The following ATP8A2 variants were observed in gnomAD, a reference collection of about 807,000 sequenced individuals.
ATP8A2 encodes the protein phospholipid-transporting ATPase IB.
Under a neutral mutation model 165.6 loss-of-function variants are expected in ATP8A2, and 100 were observed. That is an observed-to-expected ratio of 0.60 (90% CI 0.51 to 0.71). The LOEUF is 0.71. Ranked by LOEUF, ATP8A2 falls within the 30% of genes least tolerant of loss-of-function variation. The pLI, the probability that ATP8A2 is intolerant of heterozygous loss-of-function variation, is 0.00. For synonymous variants in ATP8A2, 543 were observed against 548.8 expected, an observed-to-expected ratio of 0.99 and a Z score of 0.15; for missense variants, 1,227 against 1,479.5, an observed-to-expected ratio of 0.83 and a Z score of 2.80.
intron 30 of ATP8A2, among the ~76,000 whole-genome samples, chr13:25,841,084 G>T (rs530071242): frequency 6.6e-6 from 1 of 152,266 alleles, no homozygotes; most frequent in East Asian, 1.9e-4. Flanking sequence ...TGGAGACGAT[G>T]GTTTTCTAAT....
chr13:25,423,458 C>T (rs1239640920), intron 1 of ATP8A2, among the ~76,000 whole-genome samples: 2 of 152,136 alleles, frequency 1.3e-5, no homozygotes, highest in East Asian at 1.9e-4. Context: ...TGTACATTTT[C>T]GAATATTTTT....
At chr13:25,839,437 A>G (rs1951702700) in intron 29 of ATP8A2, 109 bp from the exon 30 acceptor site, 1 of 725,488 alleles carries the variant, frequency 1.4e-6, no homozygotes. Flanking sequence ...TACTCCTGGA[A>G]CCGTGCAGCG....
chr13:25,625,345 T>C (rs749057022), intron 24 of ATP8A2, among the ~76,000 whole-genome samples: 1 of 152,244 alleles, frequency 6.6e-6, no homozygotes, highest in African/African-American at 2.4e-5. Flanking sequence ...TAGGACAAAA[T>C]GTGCCTTAAA....
At chr13:26,003,755 C>G (rs1956682267) in intron 35 of ATP8A2, among the ~76,000 whole-genome samples, 1 of 152,090 alleles carries the variant, frequency 6.6e-6, no homozygotes, top group Non-Finnish European at 1.5e-5. Flanking sequence ...CAGTTTGCCA[C>G]CACCATTTAT....
In ATP8A2 at chr13:25,676,591, G is replaced by A. The variant is rs2042377373; in HGVS notation, c.2212-22582G>A. Among the ~76,000 whole-genome samples the A allele has an allele frequency of 2.6e-5, 4 of 152,276 alleles. No individual in the cohort carries two copies. In the South Asian group the frequency reaches 8.3e-4, roughly 32 times the overall value. ...CTCAACCAGCTTCACTCTGCCTCACGAGAAAGCTCTTATTTTACCTGTGCC... is the reference window on the plus strand; with the variant it reads ...CTCAACCAGCTTCACTCTGCCTCACAAGAAAGCTCTTATTTTACCTGTGCC... On this transcript the variant is annotated intron_variant, in intron 24 of 36. Transcript: ENST00000381655.
intron 25 of ATP8A2, 127 bp downstream of exon 25, chr13:25,699,472 T>C: frequency 1.4e-6 from 1 of 716,010 alleles, no homozygotes. Flanking sequence ...AAAACAAAAA[T>C]ACAAATTTAT....
intron 24 of ATP8A2, among the ~76,000 whole-genome samples, chr13:25,636,742 C>G (rs1021245744): frequency 9.2e-5 from 14 of 152,062 alleles, no homozygotes; most frequent in African/African-American, 3.4e-4. Context: ...AGTTTCTCCC[C>G]ATATGTGCAT....
intron 33 of ATP8A2, among the ~76,000 whole-genome samples, chr13:25,883,579 C>T (rs1028915784): frequency 6.6e-6 from 1 of 152,200 alleles, no homozygotes; most frequent in Non-Finnish European, 1.5e-5. Context: ...CGGACAGGCC[C>T]GTGTCTTCAC....
chr13:25,485,106 C>T (rs1216000916), intron 2 of ATP8A2, among the ~76,000 whole-genome samples: 1 of 152,214 alleles, frequency 6.6e-6, no homozygotes, highest in Middle Eastern at 3.2e-3. Flanking sequence ...CCAGAGTAAA[C>T]TGAATAATTT....
In ATP8A2 at chr13:25,769,192, T is replaced by C; in HGVS notation, c.2531T>C (p.Met844Thr). ...VGVGISGNEG[M>T]QATNNSDYAI... ...GTGGGAATCAGTGGGAATGAAGGCA[T>C]GCAGGCCACCAACAACTCGGATTAC... is the stretch of plus-strand genomic sequence containing the variant. The change falls in exon 26 of 37, where the codon ATG (methionine) becomes ACG (threonine). Residue 844 changes from methionine to threonine, a missense_variant. Transcript: ENST00000381655. The C allele has an allele frequency of 2.5e-6, 4 of 1,613,670 alleles. No homozygotes were observed. The highest frequency in any genetic ancestry group is 3.4e-6 in the Non-Finnish European group (4 of 1,179,594).
intron 1 of ATP8A2, among the ~76,000 whole-genome samples, chr13:25,463,019 G>A (rs538082555): frequency 1.9e-4 from 29 of 152,138 alleles, no homozygotes; most frequent in Admixed American, 2.6e-4. Context: ...TGTGACTGGC[G>A]TTGGGAGGAA....
intron 1 of ATP8A2, among the ~76,000 whole-genome samples, chr13:25,390,321 G>C (rs907986331): frequency 6.6e-6 from 1 of 152,174 alleles, no homozygotes; most frequent in Non-Finnish European, 1.5e-5. Flanking sequence ...AAAAGTCAAG[G>C]TTATTAAGAT....
intron 24 of ATP8A2, among the ~76,000 whole-genome samples, chr13:25,609,250 G>C (rs1479435108): frequency 6.6e-6 from 1 of 151,876 alleles, no homozygotes; most frequent in Non-Finnish European, 1.5e-5. Flanking sequence ...TTAGGAATGA[G>C]AAAAGAGAAG....
At chr13:25,937,507 A>G (rs927528021) in intron 33 of ATP8A2, among the ~76,000 whole-genome samples, 4 of 151,152 alleles carry the variant, frequency 2.6e-5, no homozygotes, top group African/African-American at 9.7e-5. Context: ...ATATAAGAAG[A>G]CAGTTCTATA....
At chr13:25,412,105 G>T (rs142678515) in intron 1 of ATP8A2, among the ~76,000 whole-genome samples, 1 of 152,144 alleles carries the variant, frequency 6.6e-6, no homozygotes, top group Non-Finnish European at 1.5e-5. Context: ...TCCTTTGGCC[G>T]GGGGTGGTGG....
At chr13:25,571,506 G>A in intron 17 of ATP8A2, 104 bp from the exon 18 acceptor site, 5 of 776,834 alleles carry the variant, frequency 6.4e-6, no homozygotes, top group Non-Finnish European at 1.1e-5. Context: ...ATAACACCAG[G>A]CCTCCTTCAG....
At chr13:25,734,764 A>G (rs1016310767) in intron 25 of ATP8A2, among the ~76,000 whole-genome samples, 2 of 152,022 alleles carry the variant, frequency 1.3e-5, no homozygotes, top group African/African-American at 4.8e-5. Flanking sequence ...TCAGCCTCCT[A>G]AGTAGCTGAG....
At chr13:25,985,494 T>G (rs936670416) in intron 35 of ATP8A2, among the ~76,000 whole-genome samples, 2 of 152,204 alleles carry the variant, frequency 1.3e-5, no homozygotes, top group Admixed American at 1.3e-4. Context: ...CAAACTGATC[T>G]TCAGGATTAG....
At chr13:25,656,383 C>G (rs535960249) in intron 24 of ATP8A2, among the ~76,000 whole-genome samples, 2 of 151,630 alleles carry the variant, frequency 1.3e-5, no homozygotes, top group East Asian at 4.0e-4. Context: ...TCAAGTGATT[C>G]TTCTGCCTCA....
Sources: allele counts gnomAD v4.1 joint callset (sites outside exome capture counted in the v4.1 genomes callset), GRCh38; gene constraint gnomAD v4.1.1; transcripts MANE v1.5; gene names NCBI Gene and HGNC (gene_info 2026-07-23, HGNC 2026-07-21).